Variants in TMEM38A observed in about 807,000 individuals in gnomAD.
TMEM38A encodes transmembrane protein 38A.
Under a neutral mutation model 28.6 loss-of-function variants are expected in TMEM38A, and 17 were observed. That is an observed-to-expected ratio of 0.60 (90% CI 0.41 to 0.89). The LOEUF (loss-of-function observed/expected upper bound fraction) is 0.89, where lower values mean the gene tolerates loss of function less well. Ranked by LOEUF, TMEM38A falls within the 40% of genes least tolerant of loss-of-function variation. The probability of loss-of-function intolerance (pLI) is 0.00; values close to 1 mark genes in which losing one functional copy is unlikely to be tolerated. For synonymous variants in TMEM38A, 169 were observed against 166.1 expected (o/e 1.02, Z -0.14); for missense variants, 328 against 393.1 (o/e 0.83, Z 1.40).
At chr19:16,671,838 G>T (rs559277983) in intron 1 of TMEM38A, among the ~76,000 whole-genome samples, 4 of 152,166 alleles carry the variant, frequency 2.6e-5, no homozygotes, top group African/African-American at 9.6e-5. Flanking sequence ...CCCCAACCTC[G>T]GTCCCTGGGA....
intron 1 of TMEM38A, among the ~76,000 whole-genome samples, chr19:16,671,976 A>G (rs2086729522): frequency 6.6e-6 from 1 of 152,218 alleles, no homozygotes; most frequent in Non-Finnish European, 1.5e-5. Flanking sequence ...ACAGGCCACC[A>G]GCTGCTCTGA....
intron 1 of TMEM38A, among the ~76,000 whole-genome samples, chr19:16,664,051 C>T (rs1033606907): frequency 6.6e-6 from 1 of 152,132 alleles, no homozygotes; most frequent in African/African-American, 2.4e-5. Context: ...GTTGCAGCCT[C>T]GGGACTCAGC....
chr19:16,672,446 ATT>A (rs746189021), intron 1 of TMEM38A, among the ~76,000 whole-genome samples: 21 of 104,968 alleles, frequency 2.0e-4, no homozygotes, highest in South Asian at 2.9e-4. Context: ...AAAAAACCTC[ATT>A]TTTTTTTTTT....
chr19:16,680,352 C>T (rs774862324), intron 2 of TMEM38A, 45 bp from the exon 3 acceptor site: 1 of 1,604,656 alleles, frequency 6.2e-7, no homozygotes, highest in Non-Finnish European at 8.5e-7. Context: ...CCCCATCCTT[C>T]ACAGTCTGCC....
At chr19:16,678,512 C>A (rs1049628930) in intron 1 of TMEM38A, among the ~76,000 whole-genome samples, 4 of 150,692 alleles carry the variant, frequency 2.7e-5, no homozygotes, top group Non-Finnish European at 4.4e-5. Context: ...ATAATCCCAA[C>A]TCTTTGGGAA....
chr19:16,661,351 G>A lies in TMEM38A; in HGVS notation c.124+10G>A. ...CTCAAGTATGAGCCAGGTGAGCCGG[G>A]GCGGGGGGCTGGAGGGGACCGGCAG... On this transcript the variant is annotated intron_variant, in intron 1 of 5. Coordinates refer to ENST00000187762, the MANE Select transcript of TMEM38A (RefSeq NM_024074.4). The surrounding 1 kb of genome is among the most constrained non-coding windows in gnomAD (Gnocchi z 6.5). 3.8e-6 allele frequency: 6 copies of A among 1,585,828 alleles called. No individual in the cohort carries two copies. Among genetic ancestry groups the A allele is most frequent in the Non-Finnish European group, 1.7e-6 (2 of 1,165,930 alleles).
intron 1 of TMEM38A, among the ~76,000 whole-genome samples, chr19:16,669,395 C>T (rs1384612289): frequency 6.7e-6 from 1 of 149,444 alleles, no homozygotes; most frequent in African/African-American, 2.5e-5. Context: ...TTAGTAGAGA[C>T]AGGGTTTCAC....
intron 1 of TMEM38A, among the ~76,000 whole-genome samples, chr19:16,663,651 C>T (rs999494039): frequency 1.1e-4 from 16 of 151,772 alleles, no homozygotes; most frequent in Non-Finnish European, 2.1e-4. Context: ...GCCTCAGCCT[C>T]CCAAGTAGCT....
intron 3 of TMEM38A, 46 bp from the exon 4 acceptor site, chr19:16,682,375 G>A: frequency 6.6e-7 from 1 of 1,507,568 alleles, no homozygotes; most frequent in Non-Finnish European, 9.2e-7. Flanking sequence ...AAGAGGAAAG[G>A]AGACCTGGGG....
chr19:16,671,201 CTTT>C (rs34550977), intron 1 of TMEM38A, among the ~76,000 whole-genome samples: 22 of 84,854 alleles, frequency 2.6e-4, no homozygotes, highest in African/African-American at 7.3e-4. Context: ...AGGACCTGGG[CTTT>C]TTTTTTTTTT....
chr19:16,665,056 A>G (rs1353949146), intron 1 of TMEM38A, among the ~76,000 whole-genome samples: 1 of 151,958 alleles, frequency 6.6e-6, no homozygotes, highest in Non-Finnish European at 1.5e-5. Context: ...GCACTTTGGG[A>G]GGCTGAGGTG....
chr19:16,671,560 A>C (rs1298567650), intron 1 of TMEM38A, among the ~76,000 whole-genome samples: 1 of 151,920 alleles, frequency 6.6e-6, no homozygotes, highest in Non-Finnish European at 1.5e-5. Context: ...GGGGGCAGGC[A>C]GTCACTTGCC....
At chr19:16,687,750 C>G (rs1223401274) in intron 5 of TMEM38A, among the ~76,000 whole-genome samples, 2 of 152,118 alleles carry the variant, frequency 1.3e-5, no homozygotes, top group Non-Finnish European at 2.9e-5. Flanking sequence ...ATCTAATTAC[C>G]CCTCCAAAGG....
intron 1 of TMEM38A, among the ~76,000 whole-genome samples, chr19:16,665,045 A>AC (rs990191394): frequency 1.4e-3 from 219 of 152,072 alleles, no homozygotes; most frequent in African/African-American, 5.2e-3. Flanking sequence ...CTGTAATCCG[A>AC]GCACTTTGGG....
intron 1 of TMEM38A, among the ~76,000 whole-genome samples, chr19:16,667,582 C>T (rs1164803724): frequency 1.3e-5 from 2 of 152,106 alleles, no homozygotes; most frequent in South Asian, 2.1e-4. Context: ...TTGGGCCAGA[C>T]GTGGTGGCTC....
chr19:16,689,145 G>C lies in TMEM38A; in HGVS notation c.*774G>C, dbSNP rs1225670636. The C allele has an allele frequency of 6.6e-6, 1 of 152,156 alleles. No homozygotes were observed. The highest frequency in any genetic ancestry group is 6.6e-5 in the Admixed American group (1 of 15,256). 9.4% of individuals were successfully genotyped at this position (152,156 alleles called of 1,614,324 possible). A position where few individuals can be genotyped will look rare whatever the true frequency, so the allele number is the denominator to read the frequency against. On this transcript the variant is annotated 3_prime_UTR_variant, in exon 6 of 6. Transcript: ENST00000187762. ...TCTCTTCTTACCACGCTCCTCAGTG[G>C]CTAGACATTTTCACGTGGCCAGAAA... is the stretch of plus-strand genomic sequence containing the variant.
intron 1 of TMEM38A, among the ~76,000 whole-genome samples, chr19:16,672,366 G>A (rs1056593883): frequency 6.7e-6 from 1 of 149,588 alleles, no homozygotes; most frequent in African/African-American, 2.5e-5. Flanking sequence ...GTTTGATGAA[G>A]AATTATCTTG....
intron 1 of TMEM38A, among the ~76,000 whole-genome samples, chr19:16,670,276 GTTT>G (rs750785005): frequency 8.7e-6 from 1 of 114,624 alleles, no homozygotes. Context: ...CCTGTTTTTT[GTTT>G]TTTTTTTTTT....
chr19:16,686,342 C>G lies in TMEM38A; in HGVS notation c.609C>G (p.Arg203=). Residue 203 remains arginine (R), a synonymous_variant, in exon 5 of 6, where the codon CGC becomes CGG. Transcript: ENST00000187762. ...GAILFTLQQT[R]WLPVSKASLI... Reference sequence around the variant, plus strand: ...TCCTCTTCACCCTCCAGCAGACCCGCTGGCTCCCAGTGTCCAAAGCCAGCC... The same window carrying G: ...TCCTCTTCACCCTCCAGCAGACCCGGTGGCTCCCAGTGTCCAAAGCCAGCC... The G allele has an allele frequency of 6.2e-7, 1 of 1,613,756 alleles. No homozygotes were observed. The highest frequency in any genetic ancestry group is 8.5e-7 in the Non-Finnish European group (1 of 1,179,986).
Sources: allele counts gnomAD v4.1 joint callset (sites outside exome capture counted in the v4.1 genomes callset), GRCh38; gene constraint gnomAD v4.1.1; non-coding constraint Gnocchi (gnomAD v3.1); transcripts MANE v1.5; gene names NCBI Gene and HGNC (gene_info 2026-07-23, HGNC 2026-07-21).